Variants in PHC2 observed in about 807,000 individuals in gnomAD.
PHC2 encodes polyhomeotic-like protein 2.
A neutral mutation model predicts 87.4 loss-of-function variants in PHC2; 29 were observed. That is an observed-to-expected ratio of 0.33 (90% CI 0.25 to 0.45). PHC2 has a LOEUF of 0.45. Among genes scored for constraint, PHC2 ranks in the 20% least tolerant of loss-of-function variants. The pLI is 1.00. For missense variants in PHC2, 857 were observed against 1,136.7 expected, an observed-to-expected ratio of 0.75 and a Z score of 3.54; for synonymous variants, 438 against 461.7, an observed-to-expected ratio of 0.95 and a Z score of 0.66.
Position 33,406,043 on chromosome 1 carries a change from C to T in PHC2, c.-55+24933G>A, listed in dbSNP as rs535223450. Among the ~76,000 whole-genome samples, 16 of 152,244 alleles carry T rather than the reference C, an allele frequency of 1.1e-4. No individual in the cohort carries two copies. The South Asian group carries it at 3.3e-3, about 32-fold the overall frequency. On this transcript the variant is annotated intron_variant, in intron 1 of 14. Transcript: ENST00000683057. ...GTTATTCAAATCTTACATATTCTTA[C>T]TGGGGCTTTTTGTCTGCTTTTTATA...
At chr1:33,340,719 G>A (rs1646727145) in intron 9 of PHC2, among the ~76,000 whole-genome samples, 1 of 152,200 alleles carries the variant, frequency 6.6e-6, no homozygotes, top group African/African-American at 2.4e-5. Context: ...GAAAGTGACT[G>A]AGAGGGAGTT....
intron 1 of PHC2, among the ~76,000 whole-genome samples, chr1:33,424,505 G>A (rs1570517881): frequency 6.6e-6 from 1 of 152,124 alleles, no homozygotes; most frequent in Non-Finnish European, 1.5e-5. Flanking sequence ...ATTCACTGGT[G>A]GGTATAAAAA....
intron 1 of PHC2, among the ~76,000 whole-genome samples, chr1:33,408,142 T>C (rs1489997772): frequency 6.6e-6 from 1 of 152,222 alleles, no homozygotes; most frequent in Non-Finnish European, 1.5e-5. Flanking sequence ...GTCCTTGTCA[T>C]CCTAATTATC....
At chr1:33,373,738 T>C (rs754445508) in intron 2 of PHC2, among the ~76,000 whole-genome samples, 1 of 152,024 alleles carries the variant, frequency 6.6e-6, no homozygotes, top group African/African-American at 2.4e-5. Flanking sequence ...TTCCCCCTAT[T>C]TTCTACCCTT....
rs554466672 is a variant in PHC2, at chr1:33,349,321, G to GT, written c.1558+5079dup. 0.025 allele frequency: 24,492 copies of GT among 985,360 alleles called. 310 individuals carry two copies. The highest frequency in any genetic ancestry group is 0.042 in the Middle Eastern group (80 of 1,914). 61.0% of individuals were successfully genotyped at this position (985,360 alleles called of 1,614,324 possible). ...AGGCCGGTCCTAGGTTGGGGCTGGG[G>GT]TGGGGTGTGCGGGGCCTGGGGACGC... is the stretch of plus-strand genomic sequence containing the variant. On this transcript the variant is annotated intron_variant, in intron 9 of 14. Transcript: ENST00000683057. The surrounding 1 kb of genome is among the most constrained non-coding windows in gnomAD (Gnocchi z 4.2).
intron 9 of PHC2, chr1:33,345,124 A>AT (rs1020982203): frequency 1.3e-5 from 2 of 152,066 alleles, no homozygotes; most frequent in African/African-American, 4.8e-5. Context: ...ACGAACTTTC[A>AT]TTTTCTTGCC....
intron 9 of PHC2, among the ~76,000 whole-genome samples, chr1:33,342,807 G>C (rs916257745): frequency 3.3e-5 from 5 of 152,218 alleles, no homozygotes; most frequent in Non-Finnish European, 7.3e-5. Context: ...CTCCCAGATA[G>C]TCTCACATCA....
intron 9 of PHC2, among the ~76,000 whole-genome samples, chr1:33,338,476 C>G (rs1235727450): frequency 1.3e-5 from 2 of 152,192 alleles, no homozygotes; most frequent in African/African-American, 4.8e-5. Flanking sequence ...ATCTTGTAGA[C>G]CAATAGCTCC....
intron 7 of PHC2, chr1:33,363,930 A>G (rs1003297904): frequency 3.0e-6 from 3 of 983,910 alleles, no homozygotes; most frequent in Non-Finnish European, 3.6e-6. Context: ...GAGAAGGGCA[A>G]GCCAGGCCCT....
intron 1 of PHC2, among the ~76,000 whole-genome samples, chr1:33,378,133 T>C (rs756477500): frequency 2.0e-5 from 3 of 152,236 alleles, no homozygotes; most frequent in Non-Finnish European, 4.4e-5. Flanking sequence ...TTGCTAAGGA[T>C]GCTTATGATG....
At position 33,430,976 on chromosome 1, in the gene PHC2, C is replaced by G. The variant is rs1207598387; in HGVS notation, c.-55G>C. On this transcript the variant is annotated splice_region_variant and 5_prime_UTR_variant, in exon 1 of 15. Transcript: ENST00000683057. ...CAGCGCGCACGCGCCCGCCCGTTAC[C>G]TGCGGTCGCCTCCGCGCTCCTCCTC... 1 of 151,860 alleles carries G rather than the reference C, an allele frequency of 6.6e-6. No individual in the cohort carries two copies. Among genetic ancestry groups the G allele is most frequent in the East Asian group, 1.9e-4 (1 of 5,178 alleles). 9.4% of individuals were successfully genotyped at this position (151,860 alleles called of 1,614,324 possible). A position where few individuals can be genotyped will look rare whatever the true frequency, so the allele number is the denominator to read the frequency against.
chr1:33,325,629 C>T, intron 14 of PHC2: 1 of 304,760 alleles, frequency 3.3e-6, no homozygotes, highest in South Asian at 2.7e-5. Flanking sequence ...AGTTCTTAGA[C>T]TAAGAGGAAC....
intron 9 of PHC2, among the ~76,000 whole-genome samples, chr1:33,342,226 C>T (rs1646757543): frequency 6.6e-6 from 1 of 152,234 alleles, no homozygotes; most frequent in African/African-American, 2.4e-5. Context: ...GCAAAATGCT[C>T]TTGCTGGGTC....
chr1:33,376,988 A>C (rs1648218010), intron 1 of PHC2, among the ~76,000 whole-genome samples: 1 of 152,182 alleles, frequency 6.6e-6, no homozygotes, highest in African/African-American at 2.4e-5. Flanking sequence ...AGTGTGTTTG[A>C]GGTATCTATC....
intron 7 of PHC2, among the ~76,000 whole-genome samples, chr1:33,356,266 T>TATATATATAC (rs1557830974): frequency 9.9e-5 from 9 of 90,832 alleles, no homozygotes; most frequent in Admixed American, 2.9e-4. Context: ...TATATATATA[T>TATATATATAC]ATATATATAT....
At chr1:33,387,176 G>A (rs143663050) in intron 1 of PHC2, among the ~76,000 whole-genome samples, 10 of 152,288 alleles carry the variant, frequency 6.6e-5, no homozygotes, top group South Asian at 2.1e-4. Context: ...TGGCCCTACA[G>A]GTACCACTTA....
At position 33,330,146 on chromosome 1, in the gene PHC2, T is replaced by C; in HGVS notation, c.2073A>G (p.Ala691=). The C allele has an allele frequency of 1.9e-6, 3 of 1,614,250 alleles. No homozygotes were observed. The highest frequency in any genetic ancestry group is 2.2e-5 in the South Asian group (2 of 91,090). The change falls in exon 13 of 15, where the codon GCA becomes GCG. Residue 691 remains alanine, a synonymous_variant. Coordinates refer to ENST00000683057, the MANE Select transcript of PHC2 (RefSeq NM_001385109.1). ...FHSDRSKLQK[A]GAATHNRRRA... ...GACGGCGGTTGTGGGTCGCAGCTCC[T>C]GCCTTCTGCAGCTTGCTCCGGTCTG...
In PHC2 at chr1:33,375,499, G is replaced by C. The variant is rs746530992; in HGVS notation, c.41C>G (p.Ala14Gly). 6.2e-7 allele frequency: 1 copy of C among 1,610,118 alleles called. No individual in the cohort carries two copies. Among genetic ancestry groups the C allele is most frequent in the South Asian group, 1.1e-5 (1 of 90,468 alleles). ...ELPVPHTSSS[A>G]CATSSTSGAS... ...CCCGCTGGTACTGCTGGTGGCACAG[G>C]CACTGCTAGATGTATGTGGGACTGG... The change falls in exon 2 of 15, where the codon GCC becomes GGC. Residue 14 changes from alanine to glycine, a missense_variant. Physicochemically the swap from Ala to Gly is moderately conservative, Grantham distance 60 (BLOSUM62 0). This residue lies in a region of PHC2 where 832 missense variants were observed against 1,081.8 expected (regional missense o/e 0.77). Transcript: ENST00000683057.
chr1:33,385,843 C>G (rs1297867529), intron 1 of PHC2, among the ~76,000 whole-genome samples: 2 of 151,192 alleles, frequency 1.3e-5, no homozygotes, highest in African/African-American at 4.9e-5. Flanking sequence ...CTCGCCCAGG[C>G]TGGAATGCAG....
Sources: allele counts gnomAD v4.1 joint callset (sites outside exome capture counted in the v4.1 genomes callset), GRCh38; gene constraint gnomAD v4.1.1; regional missense constraint gnomAD v4.1.1; non-coding constraint Gnocchi (gnomAD v3.1); transcripts MANE v1.5; gene names NCBI Gene and HGNC (gene_info 2026-07-23, HGNC 2026-07-21).